Variants in ARSB observed in about 807,000 individuals in gnomAD.
ARSB encodes N-acetylgalactosamine-4-sulfatase.
A neutral mutation model predicts 50.9 loss-of-function variants in ARSB; 41 were observed. That is an observed-to-expected ratio of 0.81 (90% CI 0.63 to 1.04). ARSB has a LOEUF of 1.04. Ranked by LOEUF, ARSB falls within the 50% of genes least tolerant of loss-of-function variation. The pLI is 0.00. For synonymous variants in ARSB, 269 were observed against 284.8 expected (o/e 0.94, Z 0.56); for missense variants, 672 against 693.3 (o/e 0.97, Z 0.35).
At chr5:78,828,825 A>G (rs949440634) in intron 6 of ARSB, among the ~76,000 whole-genome samples, 5 of 152,212 alleles carry the variant, frequency 3.3e-5, no homozygotes, top group Non-Finnish European at 4.4e-5. Context: ...CAGGCTGCAG[A>G]TGGAATTAAG....
intron 5 of ARSB, among the ~76,000 whole-genome samples, chr5:78,866,456 G>C (rs1015139502): frequency 6.6e-6 from 1 of 152,176 alleles, no homozygotes; most frequent in African/African-American, 2.4e-5. Context: ...TGGGGACACA[G>C]CCAAACCATA....
chr5:78,862,640 T>C (rs1306111487), intron 5 of ARSB, among the ~76,000 whole-genome samples: 2 of 152,174 alleles, frequency 1.3e-5, no homozygotes, highest in Non-Finnish European at 2.9e-5. Flanking sequence ...CCTAAAACCA[T>C]AGAAACCCTA....
chr5:78,859,010 G>C (rs1332331479), intron 5 of ARSB, among the ~76,000 whole-genome samples: 1 of 152,194 alleles, frequency 6.6e-6, no homozygotes, highest in Non-Finnish European at 1.5e-5. Context: ...GGAGGAGACA[G>C]GATTTAAACC....
chr5:78,819,827 G>A (rs1043514385), intron 6 of ARSB, among the ~76,000 whole-genome samples: 1 of 152,270 alleles, frequency 6.6e-6, no homozygotes, highest in African/African-American at 2.4e-5. Flanking sequence ...GACAAGCACT[G>A]GCAAATGGCA....
intron 4 of ARSB, among the ~76,000 whole-genome samples, chr5:78,899,416 G>A (rs183223946): frequency 6.6e-6 from 1 of 151,976 alleles, no homozygotes; most frequent in Admixed American, 6.6e-5. Flanking sequence ...CCTTGCTCTC[G>A]CTTCACTCTC....
chr5:78,909,707 G>T (rs1749217538), intron 4 of ARSB, among the ~76,000 whole-genome samples: 1 of 152,140 alleles, frequency 6.6e-6, no homozygotes, highest in Non-Finnish European at 1.5e-5. Flanking sequence ...ATTATCCAAG[G>T]TTTCTCCCCA....
chr5:78,979,722 A>C (rs336522), intron 1 of ARSB, among the ~76,000 whole-genome samples: 74 of 152,300 alleles, frequency 4.9e-4, no homozygotes, highest in African/African-American at 1.7e-3. Context: ...TTTCATGGCC[A>C]TGGGACAGAC....
intron 4 of ARSB, among the ~76,000 whole-genome samples, chr5:78,905,344 G>GT (rs60622885): frequency 0.017 from 2,174 of 130,538 alleles, 88 homozygotes; most frequent in Admixed American, 0.086. Context: ...GTATTTTCCT[G>GT]TTTTTTTTTT....
intron 1 of ARSB, 127 bp downstream of exon 1, chr5:78,984,810 C>T: frequency 1.4e-6 from 1 of 706,872 alleles, no homozygotes. Flanking sequence ...GCCGCCGGGA[C>T]CCATAACTGG....
At chr5:78,933,386 T>C (rs1750434902) in intron 4 of ARSB, among the ~76,000 whole-genome samples, 1 of 152,230 alleles carries the variant, frequency 6.6e-6, no homozygotes, top group Non-Finnish European at 1.5e-5. Context: ...TCAAAGGCTC[T>C]GAGGTGTGAT....
At chr5:78,925,501 A>G (rs2112366975) in intron 4 of ARSB, among the ~76,000 whole-genome samples, 1 of 152,166 alleles carries the variant, frequency 6.6e-6, no homozygotes, top group Admixed American at 6.5e-5. Context: ...TATTGGGAGG[A>G]AAGAAGTAGC....
chr5:78,812,632 T>C (rs4704524), intron 6 of ARSB, among the ~76,000 whole-genome samples: 5,300 of 56,736 alleles, frequency 0.093, 239 homozygotes, highest in African/African-American at 0.19. Context: ...CACACACACA[T>C]GATATCACAA....
chr5:78,977,882 T>A (rs1188368229), intron 1 of ARSB, among the ~76,000 whole-genome samples: 2 of 152,226 alleles, frequency 1.3e-5, no homozygotes, highest in African/African-American at 4.8e-5. Context: ...AATGTACATA[T>A]ATCAGTTGCA....
At chr5:78,976,834 G>T (rs1418007870) in intron 1 of ARSB, among the ~76,000 whole-genome samples, 4 of 152,146 alleles carry the variant, frequency 2.6e-5, no homozygotes, top group African/African-American at 9.7e-5. Context: ...TTTAATGGGT[G>T]GGCAGCATTA....
intron 4 of ARSB, among the ~76,000 whole-genome samples, chr5:78,901,974 T>C (rs1224049764): frequency 6.6e-6 from 1 of 152,240 alleles, no homozygotes; most frequent in Non-Finnish European, 1.5e-5. Flanking sequence ...GTCTTAGTCT[T>C]GTTTTCTGTT....
intron 4 of ARSB, among the ~76,000 whole-genome samples, chr5:78,892,513 C>T (rs1028379485): frequency 1.4e-4 from 22 of 152,192 alleles, no homozygotes; most frequent in South Asian, 8.3e-4. Flanking sequence ...ACCTCGGCTT[C>T]CCATAGTGCT....
chr5:78,930,378 A>C (rs1195424684), intron 4 of ARSB, among the ~76,000 whole-genome samples: 1 of 152,206 alleles, frequency 6.6e-6, no homozygotes, highest in Non-Finnish European at 1.5e-5. Flanking sequence ...TGTTACAACA[A>C]TCCTCATTTT....
At chr5:78,916,797 T>C (rs766463969) in intron 4 of ARSB, among the ~76,000 whole-genome samples, 1 of 152,236 alleles carries the variant, frequency 6.6e-6, no homozygotes, top group Non-Finnish European at 1.5e-5. Flanking sequence ...GGCCTGTTTC[T>C]ACCAGTAATT....
intron 5 of ARSB, among the ~76,000 whole-genome samples, chr5:78,866,527 C>A (rs897186460): frequency 6.6e-6 from 1 of 152,166 alleles, no homozygotes; most frequent in African/African-American, 2.4e-5. Flanking sequence ...GAAGGTCACA[C>A]CCAAGGGACA....
Sources: gnomAD v4.1 joint callset for allele counts (sites outside exome capture counted in the v4.1 genomes callset) on GRCh38, gnomAD v4.1.1 for gene constraint, MANE v1.5 for transcripts, NCBI Gene and HGNC (gene_info 2026-07-23, HGNC 2026-07-21) for gene names.